The following SH3RF3 variants were observed in gnomAD, a reference collection of about 807,000 sequenced individuals.
SH3RF3 encodes E3 ubiquitin-protein ligase SH3RF3.
In SH3RF3, 29 loss-of-function variants were observed where a neutral mutation model predicts 66.3. The ratio of observed to expected loss-of-function variants is 0.44; its 90% CI spans 0.33 to 0.60. SH3RF3 has a LOEUF of 0.60. SH3RF3 is among the 20% of genes least tolerant of loss of function. The pLI, the probability that SH3RF3 is intolerant of heterozygous loss-of-function variation, is 0.04. For missense variants in SH3RF3, 1,194 were observed against 1,190.9 expected, an observed-to-expected ratio of 1.00 and a Z score of -0.04; for synonymous variants, 583 against 532.0, an observed-to-expected ratio of 1.10 and a Z score of -1.32.
chr2:109,428,859 C>T (rs2104555645), intron 5 of SH3RF3, among the ~76,000 whole-genome samples: 1 of 152,238 alleles, frequency 6.6e-6, no homozygotes, highest in South Asian at 2.1e-4. Context: ...GAGTTGGGCT[C>T]AGGAGCCAGG....
chr2:109,392,814 C>T (rs575697629), intron 3 of SH3RF3, among the ~76,000 whole-genome samples: 4 of 152,310 alleles, frequency 2.6e-5, no homozygotes, highest in African/African-American at 9.6e-5. Context: ...CACGCACGGC[C>T]CCCTGGCTTC....
chr2:109,277,132 C>A (rs1346685285), intron 1 of SH3RF3, among the ~76,000 whole-genome samples: 2 of 152,118 alleles, frequency 1.3e-5, no homozygotes, highest in Admixed American at 6.6e-5. Flanking sequence ...TAGGAGGGGG[C>A]ATGGGGTGGC....
chr2:109,396,336 T>A (rs1485188296), intron 3 of SH3RF3, among the ~76,000 whole-genome samples: 1 of 152,214 alleles, frequency 6.6e-6, no homozygotes, highest in Non-Finnish European at 1.5e-5. Context: ...AACCCTAGAT[T>A]TAGATCACAC....
intron 1 of SH3RF3, among the ~76,000 whole-genome samples, chr2:109,273,675 T>C (rs1479882147): frequency 2.0e-5 from 3 of 152,184 alleles, no homozygotes; most frequent in South Asian, 2.1e-4. Context: ...CAACTGCTGA[T>C]GGGGACACAC....
chr2:109,302,929 T>C (rs945330202), intron 1 of SH3RF3, among the ~76,000 whole-genome samples: 2 of 152,150 alleles, frequency 1.3e-5, no homozygotes, highest in African/African-American at 2.4e-5. Context: ...CAGGCTGGAG[T>C]GCAGTGGCAT....
In SH3RF3 at chr2:109,237,647, T is replaced by C. The variant is rs139263679; in HGVS notation, c.573+107534T>C. Among the ~76,000 whole-genome samples, 346 of 152,266 alleles carry C rather than the reference T, an allele frequency of 2.3e-3. 3 individuals are homozygous for C. The highest frequency in any genetic ancestry group is 6.8e-3 in the African/African-American group (283 of 41,538). On this transcript the variant is annotated intron_variant, in intron 1 of 9. Transcript: ENST00000309415. The stretch of plus-strand genomic sequence containing the variant: ...TCATCGGCTATTGTTAGTGTTAGTA[T>C]ATTTTATGTGAGGCCCAAGACGGTT...
chr2:109,248,887 T>TTCCTGTCCTGTCCTG (rs149003864), intron 1 of SH3RF3, among the ~76,000 whole-genome samples: 2 of 145,852 alleles, frequency 1.4e-5, no homozygotes, highest in Non-Finnish European at 3.0e-5. Context: ...TTCCTGTCCT[T>TTCCTGTCCTGTCCTG]TCCTGTCCTG....
chr2:109,377,934 C>A (rs11681775), intron 3 of SH3RF3, among the ~76,000 whole-genome samples: 18,331 of 152,292 alleles, frequency 0.12, 1,406 homozygotes, highest in Non-Finnish European at 0.18. Context: ...TCATTGGGAG[C>A]GGATAGCTCG....
intron 4 of SH3RF3, among the ~76,000 whole-genome samples, chr2:109,412,170 G>A (rs1676608273): frequency 6.6e-6 from 1 of 152,272 alleles, no homozygotes; most frequent in South Asian, 2.1e-4. Flanking sequence ...TCCACGATGC[G>A]TGTGCTCCGC....
At chr2:109,381,764 G>C (rs149842291) in intron 3 of SH3RF3, among the ~76,000 whole-genome samples, 1 of 152,108 alleles carries the variant, frequency 6.6e-6, no homozygotes, top group African/African-American at 2.4e-5. Context: ...AGGTGCTCTC[G>C]CTTCGCAGAA....
At chr2:109,184,940 T>C (rs189963934) in intron 1 of SH3RF3, among the ~76,000 whole-genome samples, 4 of 152,374 alleles carry the variant, frequency 2.6e-5, no homozygotes, top group Admixed American at 1.3e-4. Context: ...ACATTTTCCA[T>C]TTATTTCCAC....
intron 1 of SH3RF3, among the ~76,000 whole-genome samples, chr2:109,295,918 G>A (rs1372345934): frequency 6.6e-6 from 1 of 152,178 alleles, no homozygotes; most frequent in East Asian, 1.9e-4. Flanking sequence ...ACAGAACCCA[G>A]CCTCCTGCCT....
chr2:109,318,093 C>T (rs2105449288), intron 1 of SH3RF3, among the ~76,000 whole-genome samples: 1 of 129,078 alleles, frequency 7.7e-6, no homozygotes, highest in African/African-American at 3.8e-5. Flanking sequence ...CGCTGAATTT[C>T]AGTACGCAAA....
At chr2:109,280,392 G>C (rs1224121332) in intron 1 of SH3RF3, among the ~76,000 whole-genome samples, 1 of 152,184 alleles carries the variant, frequency 6.6e-6, no homozygotes, top group African/African-American at 2.4e-5. Context: ...TCCCACCTGA[G>C]TGCGCTCTTG....
chr2:109,409,522 G>A (rs956617929), intron 4 of SH3RF3, among the ~76,000 whole-genome samples: 1 of 152,082 alleles, frequency 6.6e-6, no homozygotes, highest in Non-Finnish European at 1.5e-5. Context: ...GAACTCCTAC[G>A]GGGGCAGGTG....
chr2:109,467,921 G>A (rs578138941), intron 8 of SH3RF3, among the ~76,000 whole-genome samples: 11 of 152,306 alleles, frequency 7.2e-5, no homozygotes, highest in South Asian at 4.1e-4. Context: ...ACCCCAGGGC[G>A]CAGTCCTGTG....
At chr2:109,207,129 A>G (rs1365543998) in intron 1 of SH3RF3, among the ~76,000 whole-genome samples, 1 of 152,188 alleles carries the variant, frequency 6.6e-6, no homozygotes, top group Non-Finnish European at 1.5e-5. Flanking sequence ...GCTGTAGAGG[A>G]TGATAAACTG....
chr2:109,249,806 G>A (rs1448890435), intron 1 of SH3RF3, among the ~76,000 whole-genome samples: 2 of 151,386 alleles, frequency 1.3e-5, no homozygotes, highest in East Asian at 1.9e-4. Context: ...ACAGGCGCCC[G>A]CCACCGCGCC....
intron 1 of SH3RF3, among the ~76,000 whole-genome samples, chr2:109,262,251 G>A (rs1680375352): frequency 6.6e-6 from 1 of 152,236 alleles, no homozygotes; most frequent in African/African-American, 2.4e-5. Flanking sequence ...AGGCTTGAAA[G>A]CTTGGAGAGA....
Sources: gnomAD v4.1 joint callset for allele counts (sites outside exome capture counted in the v4.1 genomes callset) on GRCh38, gnomAD v4.1.1 for gene constraint, MANE v1.5 for transcripts, NCBI Gene and HGNC (gene_info 2026-07-23, HGNC 2026-07-21) for gene names.